CDH12: variants seen among roughly 807,000 people sequenced by gnomAD.
CDH12 encodes cadherin-12.
In CDH12, 41 loss-of-function variants were observed where a neutral mutation model predicts 74.1. That is an observed-to-expected ratio of 0.55 (90% confidence interval 0.43 to 0.72). The LOEUF is 0.72. Among genes scored for constraint, CDH12 ranks in the 30% least tolerant of loss-of-function variants. The pLI, the probability that CDH12 is intolerant of heterozygous loss-of-function variation, is 0.00. For synonymous variants in CDH12, 399 were observed against 355.0 expected, an observed-to-expected ratio of 1.12 and a Z score of -1.39; for missense variants, 945 against 977.2, an observed-to-expected ratio of 0.97 and a Z score of 0.44.
chr5:22,225,952 G>A (rs532725942), intron 3 of CDH12, among the ~76,000 whole-genome samples: 2 of 151,894 alleles, frequency 1.3e-5, no homozygotes, highest in African/African-American at 4.8e-5. Flanking sequence ...TAAACATCTG[G>A]GGATCAGGAG....
intron 1 of CDH12, among the ~76,000 whole-genome samples, chr5:22,675,522 A>G (rs2126920448): frequency 6.6e-6 from 1 of 152,324 alleles, no homozygotes; most frequent in African/African-American, 2.4e-5. Flanking sequence ...GCCTTGTCTC[A>G]GATGAGACTT....
intron 5 of CDH12, among the ~76,000 whole-genome samples, chr5:22,003,592 T>C (rs1736736931): frequency 1.3e-5 from 2 of 152,052 alleles, no homozygotes; most frequent in South Asian, 2.1e-4. Flanking sequence ...GAAAATGTAA[T>C]TTCATTGAAT....
At chr5:21,989,643 T>C (rs1757665855) in intron 5 of CDH12, among the ~76,000 whole-genome samples, 1 of 152,182 alleles carries the variant, frequency 6.6e-6, no homozygotes, top group African/African-American at 2.4e-5. Flanking sequence ...TGTAACATAT[T>C]ATGTTTAACA....
intron 5 of CDH12, among the ~76,000 whole-genome samples, chr5:22,006,927 T>C (rs1736998543): frequency 6.6e-6 from 1 of 152,168 alleles, no homozygotes; most frequent in Non-Finnish European, 1.5e-5. Flanking sequence ...ACTTTATAAA[T>C]AATACGAGTC....
chr5:22,221,072 T>C (rs1751998413), intron 3 of CDH12, among the ~76,000 whole-genome samples: 1 of 151,722 alleles, frequency 6.6e-6, no homozygotes, highest in Non-Finnish European at 1.5e-5. Context: ...CCCATGCTTT[T>C]GAATGATCTG....
chr5:21,797,858 C>A (rs1006329517), intron 10 of CDH12, among the ~76,000 whole-genome samples: 2 of 152,028 alleles, frequency 1.3e-5, no homozygotes, highest in Non-Finnish European at 2.9e-5. Context: ...GCCTTAAAAT[C>A]ATGTTTTTCT....
Position 21,880,617 on chromosome 5 carries a change from T to TTCTTTCTTTC in CDH12, c.527-25837_527-25828dup, listed in dbSNP as rs1561268432. Among the ~76,000 whole-genome samples, 40 of 54,012 alleles carry TTCTTTCTTTC rather than the reference T, an allele frequency of 7.4e-4. 2 individuals carry two copies. The highest frequency in any genetic ancestry group is 3.1e-3 in the African/African-American group (38 of 12,116). 35.4% of individuals were successfully genotyped at this position (54,012 alleles called of 152,430 possible). ...CTTCCTTCCTTCCTTCCTTCCTTCC[T>TTCTTTCTTTC]TCTTTCTTTCTTTCTTTCTTTCTTT... On this transcript the variant is annotated intron_variant, in intron 6 of 14. Coordinates refer to ENST00000382254, the MANE Select transcript of CDH12 (RefSeq NM_004061.5).
rs150584252 is a variant in CDH12 at position 22,094,771 on chromosome 5, G to A, written c.-186-15909C>T. Among the ~76,000 whole-genome samples, 860 of 152,100 alleles carry A rather than the reference G, an allele frequency of 5.7e-3. 7 individuals are homozygous for A. The highest frequency in any genetic ancestry group is 0.019 in the African/African-American group (809 of 41,488). ...CCTGCACATACACATCCAGATGGCC[G>A]GTTCCTGCCTTAACTGATGACATTA... is the stretch of plus-strand genomic sequence containing the variant. On this transcript the variant is annotated intron_variant, in intron 4 of 14. Transcript: ENST00000382254.
At chr5:22,309,056 T>A (rs965094975) in intron 3 of CDH12, among the ~76,000 whole-genome samples, 1 of 151,870 alleles carries the variant, frequency 6.6e-6, no homozygotes, top group Non-Finnish European at 1.5e-5. Flanking sequence ...GACAGAACCA[T>A]ACAAAAATGG....
At chr5:22,069,839 G>T (rs184185043) in intron 5 of CDH12, among the ~76,000 whole-genome samples, 1 of 152,238 alleles carries the variant, frequency 6.6e-6, no homozygotes, top group Admixed American at 6.5e-5. Context: ...AAAGTCAATG[G>T]AAAACTACAA....
At chr5:21,761,516 T>G (rs1744716301) in intron 12 of CDH12, among the ~76,000 whole-genome samples, 1 of 152,122 alleles carries the variant, frequency 6.6e-6, no homozygotes, top group African/African-American at 2.4e-5. Context: ...AATCATGCTC[T>G]CAGACTACAT....
chr5:22,713,546 T>C (rs1743404113), intron 1 of CDH12, among the ~76,000 whole-genome samples: 1 of 151,922 alleles, frequency 6.6e-6, no homozygotes. Context: ...AGTCTACTTA[T>C]GAAAAATGCT....
intron 1 of CDH12, among the ~76,000 whole-genome samples, chr5:22,826,253 C>T (rs1001545934): frequency 2.0e-5 from 3 of 152,140 alleles, no homozygotes; most frequent in East Asian, 1.9e-4. Context: ...TGCACAAGCT[C>T]GTTCTTTGCC....
At chr5:22,303,444 A>C (rs1168927108) in intron 3 of CDH12, among the ~76,000 whole-genome samples, 1 of 152,146 alleles carries the variant, frequency 6.6e-6, no homozygotes, top group Non-Finnish European at 1.5e-5. Context: ...TAAAACTTTG[A>C]AAATTATAAT....
At chr5:21,809,917 A>C (rs1315949620) in intron 9 of CDH12, among the ~76,000 whole-genome samples, 1 of 152,134 alleles carries the variant, frequency 6.6e-6, no homozygotes, top group Non-Finnish European at 1.5e-5. Flanking sequence ...GGAGTGATCA[A>C]CTTTGCCTGA....
intron 5 of CDH12, among the ~76,000 whole-genome samples, chr5:22,046,020 A>C (rs1338535413): frequency 1.3e-5 from 2 of 152,220 alleles, no homozygotes; most frequent in African/African-American, 4.8e-5. Flanking sequence ...TGTACGTGCC[A>C]ACTAAAAATA....
Position 22,843,151 on chromosome 5 carries a change from G to A in CDH12, c.-523+9907C>T, listed in dbSNP as rs148687879. Among the ~76,000 whole-genome samples, 143 of 152,056 alleles carry A rather than the reference G, an allele frequency of 9.4e-4. 4 individuals are homozygous for A. In the East Asian group the frequency reaches 0.026, roughly 28 times the overall value. On this transcript the variant is annotated intron_variant, in intron 1 of 14. Transcript: ENST00000382254. ...TGCTGCGTTAAAGTTATTAATCATA[G>A]CTTTGTGACTGGGAAGGAAAATATA...
At chr5:21,876,428 C>G (rs1055587270) in intron 6 of CDH12, among the ~76,000 whole-genome samples, 2 of 152,186 alleles carry the variant, frequency 1.3e-5, no homozygotes, top group South Asian at 2.1e-4. Context: ...TCCTGACCAT[C>G]ATTTATACTT....
At chr5:22,235,435 A>T (rs1752528100) in intron 3 of CDH12, among the ~76,000 whole-genome samples, 1 of 152,070 alleles carries the variant, frequency 6.6e-6, no homozygotes, top group African/African-American at 2.4e-5. Context: ...ATAAAAAATT[A>T]GGCAGGCGTG....
Sources: gnomAD v4.1 joint callset for allele counts (sites outside exome capture counted in the v4.1 genomes callset) on GRCh38, gnomAD v4.1.1 for gene constraint, MANE v1.5 for transcripts, NCBI Gene and HGNC (gene_info 2026-07-23, HGNC 2026-07-21) for gene names.